MLXIPL: variants seen among roughly 807,000 people sequenced by gnomAD.
The protein encoded by MLXIPL is carbohydrate-responsive element-binding protein.
Under a neutral mutation model 81.5 loss-of-function variants are expected in MLXIPL, and 49 were observed. That is an observed-to-expected ratio of 0.60 (90% CI 0.48 to 0.76). MLXIPL has a LOEUF of 0.76. Ranked by LOEUF, MLXIPL falls within the 30% of genes least tolerant of loss-of-function variation. The probability of loss-of-function intolerance (pLI) is 0.00; values close to 1 mark genes in which losing one functional copy is unlikely to be tolerated. For missense variants in MLXIPL, 1,053 were observed against 1,167.0 expected, an observed-to-expected ratio of 0.90 and a Z score of 1.42; for synonymous variants, 466 against 485.5, an observed-to-expected ratio of 0.96 and a Z score of 0.53.
At chr7:73,645,487 G>T in the MLXIPL span, among the ~76,000 whole-genome samples, 2 of 151,586 alleles carry the variant, frequency 1.3e-5, no homozygotes, top group African/African-American at 4.8e-5. Flanking sequence ...TTTCAGGAGT[G>T]AGAAAGATGG....
chr7:73,600,771 C>T (rs545067447), intron 7 of MLXIPL, among the ~76,000 whole-genome samples: 5 of 141,372 alleles, frequency 3.5e-5, no homozygotes, highest in African/African-American at 1.3e-4. Context: ...TGGGGTGGGG[C>T]AAGGGGTCTG....
chr7:73,605,819 T>A, intron 6 of MLXIPL, 51 bp from the exon 7 acceptor site: 1 of 1,594,574 alleles, frequency 6.3e-7, no homozygotes, highest in Non-Finnish European at 8.5e-7. Flanking sequence ...AGGAGCAGGG[T>A]CCCCACCCCC....
chr7:73,606,919 A>G, intron 5 of MLXIPL, 55 bp downstream of exon 5: 1 of 1,594,820 alleles, frequency 6.3e-7, no homozygotes, highest in South Asian at 1.1e-5. Context: ...TCTGCCTCCC[A>G]TCTACTTGGG....
At chr7:73,611,445 G>A (rs1433200915) in intron 2 of MLXIPL, 1 of 152,258 alleles carries the variant, frequency 6.6e-6, no homozygotes, top group Non-Finnish European at 1.5e-5. Context: ...CGAGGACACA[G>A]AGGAAGGGGG....
At chr7:73,616,835 T>C (rs567674466) in intron 1 of MLXIPL, among the ~76,000 whole-genome samples, 53 of 109,074 alleles carry the variant, frequency 4.9e-4, no homozygotes, top group African/African-American at 1.9e-3. Context: ...GCAACAAGAG[T>C]GAAACTCCGT....
Position 73,597,281 on chromosome 7 carries a change from C to T in MLXIPL, c.1504G>A (p.Gly502Arg), listed in dbSNP as rs782245118. 9 of 1,580,430 alleles carry T rather than the reference C, an allele frequency of 5.7e-6. No individual in the cohort carries two copies. Among genetic ancestry groups the T allele is most frequent in the Admixed American group, 3.5e-5 (2 of 56,474 alleles). ...AAGGTAGGGGGGCTGGCTTTCTGTCCCCTAGGGGATGGGGCGGGGGGCTTG... is the reference window on the plus strand; with the variant it reads ...AAGGTAGGGGGGCTGGCTTTCTGTCTCCTAGGGGATGGGGCGGGGGGCTTG... ...RGKPPAPSPRGQKASPPTLAP... is the reference protein window; with the variant it reads ...RGKPPAPSPRRQKASPPTLAP... Residue 502 changes from glycine (G) to arginine (R), a missense_variant, in exon 9 of 17, where the codon GGA becomes AGA. By Grantham distance (125) the Gly-to-Arg change is moderately radical (BLOSUM62 -2). Transcript: ENST00000313375.
chr7:73,625,560 C>G (rs1407165945), upstream of MLXIPL, among the ~76,000 whole-genome samples: 1 of 152,110 alleles, frequency 6.6e-6, no homozygotes, highest in Non-Finnish European at 1.5e-5. Flanking sequence ...AGTTCGAAAC[C>G]AGCCTGGCTA....
intron 2 of MLXIPL, 45 bp from the exon 3 acceptor site, chr7:73,607,717 C>T (rs1554598835): frequency 6.5e-7 from 1 of 1,550,218 alleles, no homozygotes; most frequent in Non-Finnish European, 8.9e-7. Flanking sequence ...TTCCTCATCC[C>T]CCACCTCACC....
At chr7:73,632,155 A>AT in the MLXIPL span, among the ~76,000 whole-genome samples, 2 of 150,864 alleles carry the variant, frequency 1.3e-5, no homozygotes, top group Non-Finnish European at 1.5e-5. Flanking sequence ...AATTTTTTAA[A>AT]TTTTTTTATT....
rs1554597855 is a variant in MLXIPL, at chr7:73,605,897, C to T, written c.820+13G>A. The T allele has an allele frequency of 1.9e-6, 3 of 1,575,226 alleles. No individual in the cohort carries two copies. The highest frequency in any genetic ancestry group is 2.6e-6 in the Non-Finnish European group (3 of 1,159,720). Reference sequence around the variant, plus strand: ...CCTTCACCCCTCTCCCCTGCCCTTTCTCAGACCCTCACCATCCTCAGGCGG... The same window carrying T: ...CCTTCACCCCTCTCCCCTGCCCTTTTTCAGACCCTCACCATCCTCAGGCGG... On this transcript the variant is annotated intron_variant, in intron 6 of 16. Transcript: ENST00000313375.
chr7:73,603,989 G>A (rs1795088298), intron 7 of MLXIPL, among the ~76,000 whole-genome samples: 1 of 152,076 alleles, frequency 6.6e-6, no homozygotes, highest in African/African-American at 2.4e-5. Context: ...TCCGAGGTGG[G>A]AGGATCGCTT....
In MLXIPL at chr7:73,597,540, G is replaced by C. The variant is rs1794443260; in HGVS notation, c.1245C>G (p.Phe415Leu). Residue 415 changes from phenylalanine to leucine, a missense_variant, in exon 9 of 17, where the codon TTC becomes TTG. Transcript: ENST00000313375. ...PGLEPCPPPP[F>L]PPMAPPTALL... is the part of the protein sequence containing the mutation. ...AAGCAGTGGGTGGTGCCATGGGAGGGAAGGGAGGTGGGGGGCAGGGCTCCA... is the reference window on the plus strand; with the variant it reads ...AAGCAGTGGGTGGTGCCATGGGAGGCAAGGGAGGTGGGGGGCAGGGCTCCA... 7.3e-7 allele frequency: 1 copy of C among 1,368,634 alleles called. No homozygotes were observed. The highest frequency in any genetic ancestry group is 2.8e-5 in the East Asian group (1 of 36,008). The allele number at this position is 1,368,634 out of a possible 1,614,324, so 84.8% of individuals were successfully genotyped here. A position where few individuals can be genotyped will look rare whatever the true frequency, so the allele number is the denominator to read the frequency against.
intron 7 of MLXIPL, among the ~76,000 whole-genome samples, chr7:73,602,932 A>T (rs1794998051): frequency 6.6e-6 from 1 of 152,024 alleles, no homozygotes; most frequent in Non-Finnish European, 1.5e-5. Flanking sequence ...CCCGCTTACC[A>T]TCGTTGCCCA....
the MLXIPL span, among the ~76,000 whole-genome samples, chr7:73,639,134 C>T: frequency 2.9e-4 from 44 of 152,092 alleles, no homozygotes; most frequent in Non-Finnish European, 4.1e-4. Context: ...CAGAAACTTC[C>T]CCTTCTGTAC....
At chr7:73,614,968 G>A (rs1298133325) in intron 2 of MLXIPL, among the ~76,000 whole-genome samples, 3 of 151,970 alleles carry the variant, frequency 2.0e-5, no homozygotes, top group Non-Finnish European at 4.4e-5. Context: ...CCGCCACCAC[G>A]CCCAGCTAAT....
At position 73,623,204 on chromosome 7, in the gene MLXIPL, G is replaced by A. The variant is rs1315303994; in HGVS notation, c.293+996C>T. On this transcript the variant is annotated intron_variant, in intron 1 of 16. Transcript: ENST00000313375. This position sits in a 1 kb window ranked among gnomAD's most constrained non-coding sequence, Gnocchi z 5.7. ...CACCCCAGCTCCTGCTCCCCCGCAG[G>A]GCGGCAGGTGCCGATCTGTAGCCAG... 6.6e-6 allele frequency among the ~76,000 whole-genome samples: 1 copy of A among 152,232 alleles called. No individual in the cohort carries two copies. The highest frequency in any genetic ancestry group is 1.5e-5 in the Non-Finnish European group (1 of 68,038).
the MLXIPL span, among the ~76,000 whole-genome samples, chr7:73,647,835 G>GGCGGCGT: frequency 1.7e-3 from 259 of 150,908 alleles, no homozygotes; most frequent in African/African-American, 5.6e-3. Context: ...GCGGGCGGCG[G>GGCGGCGT]GGGCGCTGCG....
chr7:73,604,649 C>CT (rs1795143261), intron 7 of MLXIPL, among the ~76,000 whole-genome samples: 1 of 151,986 alleles, frequency 6.6e-6, no homozygotes, highest in African/African-American at 2.4e-5. Flanking sequence ...AAAAGACTGG[C>CT]CAAGAGTTGA....
At chr7:73,635,430 G>A in the MLXIPL span, among the ~76,000 whole-genome samples, 1 of 152,078 alleles carries the variant, frequency 6.6e-6, no homozygotes, top group Admixed American at 6.6e-5. Context: ...CTAATAGTCA[G>A]TCTACCCACC....
Sources: allele counts gnomAD v4.1 joint callset (sites outside exome capture counted in the v4.1 genomes callset), GRCh38; gene constraint gnomAD v4.1.1; non-coding constraint Gnocchi (gnomAD v3.1); transcripts MANE v1.5; gene names NCBI Gene and HGNC (gene_info 2026-07-23, HGNC 2026-07-21).